Variants in MCU observed in about 807,000 individuals in gnomAD.
MCU encodes the protein mitochondrial calcium uniporter, also known as calcium uniporter protein, mitochondrial.
In MCU, 12 loss-of-function variants were observed where a neutral mutation model predicts 45.2. The observed-to-expected ratio is 0.27, with a 90% CI of 0.17 to 0.43. The LOEUF is 0.43. Ranked by LOEUF, MCU falls within the 20% of genes least tolerant of loss-of-function variation. MCU has a pLI of 1.00. For missense variants in MCU, 324 were observed against 436.7 expected (o/e 0.74, Z 2.30); for synonymous variants, 160 against 165.1 (o/e 0.97, Z 0.24).
At chr10:72,713,909 C>A (rs1397894815) in intron 1 of MCU, among the ~76,000 whole-genome samples, 1 of 151,488 alleles carries the variant, frequency 6.6e-6, no homozygotes, top group African/African-American at 2.4e-5. Context: ...ATTCCGGACA[C>A]ACAGAGATGG....
At chr10:72,838,751 A>G (rs1844999099) in intron 2 of MCU, among the ~76,000 whole-genome samples, 1 of 152,220 alleles carries the variant, frequency 6.6e-6, no homozygotes, top group South Asian at 2.1e-4. Flanking sequence ...TAATTTTAAT[A>G]ATGAAAGTAT....
At chr10:72,842,257 G>T (rs932355363) in intron 2 of MCU, among the ~76,000 whole-genome samples, 1 of 152,176 alleles carries the variant, frequency 6.6e-6, no homozygotes, top group African/African-American at 2.4e-5. Context: ...CAGTTTCTCT[G>T]TAGGCATATA....
At chr10:72,805,178 T>TTTCCTTCC (rs375373722) in intron 1 of MCU, among the ~76,000 whole-genome samples, 3,731 of 140,396 alleles carry the variant, frequency 0.027, 242 homozygotes, top group African/African-American at 0.11. Context: ...TCTCTCTCTC[T>TTTCCTTCC]TTCCTTCCTT....
intron 1 of MCU, among the ~76,000 whole-genome samples, chr10:72,797,479 G>T (rs1292650266): frequency 1.3e-5 from 2 of 150,252 alleles, no homozygotes; most frequent in African/African-American, 4.9e-5. Context: ...GCCCATCTCA[G>T]CCTCTCAAAG....
At chr10:72,709,225 C>T (rs1388228828) in intron 1 of MCU, among the ~76,000 whole-genome samples, 1 of 152,104 alleles carries the variant, frequency 6.6e-6, no homozygotes, top group Non-Finnish European at 1.5e-5. Context: ...CATTCTGTCC[C>T]CACTGTATCC....
chr10:72,823,622 G>A (rs577941557), intron 1 of MCU, among the ~76,000 whole-genome samples: 1 of 152,234 alleles, frequency 6.6e-6, no homozygotes, highest in South Asian at 2.1e-4. Context: ...TGTTCATTAT[G>A]TGAAGTTACA....
At chr10:72,695,343 A>C (rs1410419537) in intron 1 of MCU, among the ~76,000 whole-genome samples, 1 of 152,200 alleles carries the variant, frequency 6.6e-6, no homozygotes, top group African/African-American at 2.4e-5. Context: ...TGAAAGTTTT[A>C]ACAGGTTACA....
intron 1 of MCU, among the ~76,000 whole-genome samples, chr10:72,824,666 TTC>T (rs1172922108): frequency 1.3e-5 from 2 of 152,202 alleles, no homozygotes; most frequent in African/African-American, 4.8e-5. Flanking sequence ...TGCTAAAGCT[TTC>T]TCTTTTTGTA....
intron 2 of MCU, 114 bp downstream of exon 2, chr10:72,834,542 T>G (rs1844928364): frequency 1.2e-6 from 1 of 803,636 alleles, no homozygotes; most frequent in African/African-American, 1.7e-5. Flanking sequence ...TAAGGTGGGC[T>G]TAGGGGTCAG....
chr10:72,707,391 G>T (rs545357773), intron 1 of MCU, among the ~76,000 whole-genome samples: 1 of 151,826 alleles, frequency 6.6e-6, no homozygotes, highest in Non-Finnish European at 1.5e-5. Flanking sequence ...TAGAGTCGGG[G>T]TTTCACCTTT....
intron 1 of MCU, among the ~76,000 whole-genome samples, chr10:72,779,934 T>C (rs1232409483): frequency 3.9e-5 from 6 of 152,160 alleles, no homozygotes; most frequent in African/African-American, 1.4e-4. Flanking sequence ...TAAATATGTA[T>C]ATACCCAATA....
In MCU at chr10:72,839,013, G is replaced by A. The variant is rs114072789; in HGVS notation, c.220+4585G>A. ...CATCTATTTTTTTTTTTTTTGAGAC[G>A]GAGTCCCGCTCCATCACCCAGGCTG... On this transcript the variant is annotated intron_variant, in intron 2 of 7. Transcript: ENST00000373053. 2.4e-3 allele frequency among the ~76,000 whole-genome samples: 356 copies of A among 147,966 alleles called. 3 individuals carry two copies. Among genetic ancestry groups the A allele is most frequent in the African/African-American group, 8.3e-3 (332 of 39,840 alleles).
intron 1 of MCU, 185 bp downstream of exon 1, chr10:72,692,486 C>A: frequency 6.5e-6 from 1 of 153,268 alleles, no homozygotes; most frequent in Non-Finnish European, 1.1e-5. Flanking sequence ...GAAGGGAGGG[C>A]GGGCGGGAGG....
At chr10:72,747,015 G>GCTAAAAATATAAA (rs1408558355) in intron 1 of MCU, among the ~76,000 whole-genome samples, 78 of 152,312 alleles carry the variant, frequency 5.1e-4, no homozygotes, top group African/African-American at 1.8e-3. Context: ...ACCAAAACCA[G>GCTAAAAATATAAA]CTAAAAATAT....
intron 1 of MCU, among the ~76,000 whole-genome samples, chr10:72,695,245 C>G (rs1240799669): frequency 6.6e-6 from 1 of 152,236 alleles, no homozygotes; most frequent in Non-Finnish European, 1.5e-5. Flanking sequence ...TTACTTAAGT[C>G]TGTCATTGTC....
intron 1 of MCU, among the ~76,000 whole-genome samples, chr10:72,810,971 T>C (rs1256710326): frequency 6.6e-6 from 1 of 152,106 alleles, no homozygotes. Flanking sequence ...GAAAGGACAA[T>C]AGGCCTGGAG....
chr10:72,767,491 T>G (rs1401197459), intron 1 of MCU, among the ~76,000 whole-genome samples: 1 of 151,342 alleles, frequency 6.6e-6, no homozygotes, highest in Non-Finnish European at 1.5e-5. Flanking sequence ...TGTATTTAAT[T>G]TAATTTAATT....
intron 1 of MCU, among the ~76,000 whole-genome samples, chr10:72,826,825 T>C (rs1196405005): frequency 2.6e-5 from 4 of 152,124 alleles, no homozygotes; most frequent in African/African-American, 9.7e-5. Flanking sequence ...CTGAGTAGTA[T>C]GGTGAGATCT....
chr10:72,707,606 GGTGTGT>G lies in MCU; in HGVS notation c.150+15342_150+15347del, dbSNP rs373225323. On this transcript the variant is annotated intron_variant, in intron 1 of 7. Transcript: ENST00000373053. ...AAATGAAGAGGTGGTCGTGGTGAGT[GGTGTGT>G]GTGTGTGTGTGTGTGTGTGTGTGTG... 7.0e-3 allele frequency among the ~76,000 whole-genome samples: 945 copies of G among 134,958 alleles called. 4 individuals carry two copies. Among genetic ancestry groups the G allele is most frequent in the African/African-American group, 0.015 (493 of 31,814 alleles). 88.5% of individuals were successfully genotyped at this position (134,958 alleles called of 152,430 possible).
Sources: gnomAD v4.1 joint callset for allele counts (sites outside exome capture counted in the v4.1 genomes callset) on GRCh38, gnomAD v4.1.1 for gene constraint, MANE v1.5 for transcripts, NCBI Gene and HGNC (gene_info 2026-07-23, HGNC 2026-07-21) for gene names.